Variants in RAD54L2 observed in about 807,000 individuals in gnomAD.
RAD54L2 encodes helicase ARIP4.
Under a neutral mutation model 138.4 loss-of-function variants are expected in RAD54L2, and 27 were observed. The observed-to-expected ratio is 0.20, with a 90% CI of 0.14 to 0.27. RAD54L2 has a LOEUF of 0.27. RAD54L2 is among the 10% of genes least tolerant of loss of function. The probability of loss-of-function intolerance (pLI) is 1.00; values close to 1 mark genes in which losing one functional copy is unlikely to be tolerated. For synonymous variants in RAD54L2, 644 were observed against 723.2 expected (o/e 0.89, Z 1.76); for missense variants, 1,396 against 1,890.2 (o/e 0.74, Z 4.85).
Position 51,663,552 on chromosome 3 carries a change from T to G in RAD54L2, c.*132T>G. 1.3e-6 allele frequency: 1 copy of G among 776,338 alleles called. No individual in the cohort carries two copies. 48.1% of individuals were successfully genotyped at this position (776,338 alleles called of 1,614,324 possible). ...AAGGAAGAGGACAAAGGAGGGTGGT[T>G]GGCCAAAGTGGCAGAGCTCTGTTGC... On this transcript the variant is annotated 3_prime_UTR_variant, in exon 23 of 23. Transcript: ENST00000684192.
Position 51,662,695 on chromosome 3 carries a change from G to T in RAD54L2, c.3679G>T (p.Gly1227Trp), listed in dbSNP as rs747460183. 2 of 1,613,910 alleles carry T rather than the reference G, an allele frequency of 1.2e-6. No homozygotes were observed. The highest frequency in any genetic ancestry group is 1.7e-6 in the Non-Finnish European group (2 of 1,179,874). Residue 1227 changes from glycine (G) to tryptophan (W), a missense_variant, in exon 23 of 23, where the codon GGG becomes TGG. Around this residue, in one of 7 missense-constraint regions of RAD54L2, gnomAD observed 634 missense variants for 711.2 expected, o/e 0.89. Transcript: ENST00000684192. This position sits in a 1 kb window ranked among gnomAD's most constrained non-coding sequence, Gnocchi z 4.6. ...AGCTCTCGGAACTGAGCCTCGACTA[G>T]GGGGTCATTGCCTCAATAGTTCCCT... ...GTALGTEPRLGGHCLNSSLLV... is the reference protein window; with the variant it reads ...GTALGTEPRLWGHCLNSSLLV...
chr3:51,662,832 C>T lies in RAD54L2; in HGVS notation c.3816C>T (p.Ser1272=). The T allele has an allele frequency of 6.2e-7, 1 of 1,612,714 alleles. No homozygotes were observed. Among genetic ancestry groups the T allele is most frequent in the South Asian group, 1.1e-5 (1 of 90,842 alleles). Residue 1272 remains serine, a synonymous_variant, in exon 23 of 23, where the codon TCC becomes TCT. Transcript: ENST00000684192. The surrounding 1 kb of genome is among the most constrained non-coding windows in gnomAD (Gnocchi z 4.6). ...CCCAGGAGTCATCCCGCCGGCGGTCCAGGAAGGGTCATCTGCCAGCCCCCG... is the reference window on the plus strand; with the variant it reads ...CCCAGGAGTCATCCCGCCGGCGGTCTAGGAAGGGTCATCTGCCAGCCCCCG... ...PAAQESSRRR[S]RKGHLPAPVQ...
In RAD54L2 at chr3:51,666,928, G is replaced by A. The variant is rs1225631330; in HGVS notation, c.*3508G>A. Reference sequence around the variant, plus strand: ...CTAAATATGAAATTTCTCAATTCAGGAGCAGGAAGCAAAGTGCTGGGGTAC... The same window carrying A: ...CTAAATATGAAATTTCTCAATTCAGAAGCAGGAAGCAAAGTGCTGGGGTAC... On this transcript the variant is annotated 3_prime_UTR_variant, in exon 23 of 23. Transcript: ENST00000684192. 2 of 152,174 alleles carry A rather than the reference G, an allele frequency of 1.3e-5. No homozygotes were observed. Among genetic ancestry groups the A allele is most frequent in the Non-Finnish European group, 1.5e-5 (1 of 68,048 alleles). 9.4% of individuals were successfully genotyped at this position (152,174 alleles called of 1,614,324 possible).
At chr3:51,607,571 TC>T (rs1216231980) in intron 3 of RAD54L2, among the ~76,000 whole-genome samples, 1 of 152,218 alleles carries the variant, frequency 6.6e-6, no homozygotes, top group Non-Finnish European at 1.5e-5. Flanking sequence ...CCTTTTCTAT[TC>T]GACAAAACCG....
Position 51,645,495 on chromosome 3 carries a change from CTT to C in RAD54L2, c.2657-94_2657-93del. On this transcript the variant is annotated intron_variant, in intron 17 of 22. Transcript: ENST00000684192. The surrounding 1 kb of genome is among the most constrained non-coding windows in gnomAD (Gnocchi z 6.1). ...GTGTCACCAGCACCTCAGACCTAGT[CTT>C]TGACTTTCAGATATGGGATGACTTT... is the stretch of plus-strand genomic sequence containing the variant. 7.7e-7 allele frequency: 1 copy of C among 1,293,260 alleles called. No individual in the cohort carries two copies. Among genetic ancestry groups the C allele is most frequent in the East Asian group, 2.5e-5 (1 of 39,676 alleles). The allele number at this position is 1,293,260 out of a possible 1,614,324, so 80.1% of individuals were successfully genotyped here. A position where few individuals can be genotyped will look rare whatever the true frequency, so the allele number is the denominator to read the frequency against.
At position 51,610,323 on chromosome 3, in the gene RAD54L2, AC is replaced by A. The variant is rs577592576; in HGVS notation, c.140-17228del. ...CATTATTAAAGAATGAATCTTTGGG[AC>A]CGGGCATGGTGGCTCACGCCTGTAA... On this transcript the variant is annotated intron_variant, in intron 3 of 22. Transcript: ENST00000684192. Among the ~76,000 whole-genome samples the A allele has an allele frequency of 4.6e-5, 7 of 152,116 alleles. No homozygotes were observed. In the South Asian group the frequency reaches 1.5e-3, roughly 32 times the overall value.
intron 2 of RAD54L2, among the ~76,000 whole-genome samples, chr3:51,565,835 C>T (rs1057212286): frequency 6.8e-6 from 1 of 147,348 alleles, no homozygotes; most frequent in East Asian, 2.1e-4. Context: ...CCCACCCCCC[C>T]CTTTTTTTTT....
chr3:51,659,983 T>G, intron 21 of RAD54L2, 43 bp from the exon 22 acceptor site: 1 of 1,478,646 alleles, frequency 6.8e-7, no homozygotes, highest in Non-Finnish European at 9.3e-7. Context: ...GTTGGCTGTA[T>G]TATATGTCTG....
At chr3:51,606,417 C>T (rs938745540) in intron 3 of RAD54L2, among the ~76,000 whole-genome samples, 3 of 151,962 alleles carry the variant, frequency 2.0e-5, no homozygotes, top group African/African-American at 7.3e-5. Flanking sequence ...GTACAGAATC[C>T]GTGATGGACA....
chr3:51,604,908 C>T (rs1255795719), intron 3 of RAD54L2, among the ~76,000 whole-genome samples: 1 of 151,996 alleles, frequency 6.6e-6, no homozygotes, highest in East Asian at 1.9e-4. Flanking sequence ...CTGAAGTCTT[C>T]CAGTGGTCTT....
intron 3 of RAD54L2, among the ~76,000 whole-genome samples, chr3:51,603,885 C>A (rs975183619): frequency 1.3e-5 from 2 of 152,068 alleles, no homozygotes; most frequent in Non-Finnish European, 2.9e-5. Context: ...AGTGGAATAG[C>A]AAGAGCTGTT....
intron 22 of RAD54L2, among the ~76,000 whole-genome samples, chr3:51,661,814 C>T (rs1250243468): frequency 6.6e-6 from 1 of 152,118 alleles, no homozygotes; most frequent in South Asian, 2.1e-4. Flanking sequence ...TTGAGTCATT[C>T]GTAAGTCGAA....
intron 9 of RAD54L2, among the ~76,000 whole-genome samples, chr3:51,635,112 G>A (rs191173489): frequency 4.9e-4 from 75 of 152,300 alleles, no homozygotes; most frequent in Admixed American, 1.7e-3. Context: ...TTTGGAAGTG[G>A]AGTGACTTAC....
chr3:51,623,584 A>G (rs1700612895), intron 3 of RAD54L2, among the ~76,000 whole-genome samples: 1 of 152,172 alleles, frequency 6.6e-6, no homozygotes, highest in African/African-American at 2.4e-5. Flanking sequence ...CAAAGCTCAT[A>G]CTTTTAACTG....
At chr3:51,562,047 T>C (rs1457659675) in intron 2 of RAD54L2, among the ~76,000 whole-genome samples, 10 of 150,556 alleles carry the variant, frequency 6.6e-5, no homozygotes, top group African/African-American at 2.0e-4. Context: ...TTTTTTTTTT[T>C]CCCCCTGAGA....
At chr3:51,627,784 G>A (rs1045043203) in intron 4 of RAD54L2, 30 bp downstream of exon 4, 2 of 1,608,106 alleles carry the variant, frequency 1.2e-6, no homozygotes, top group Middle Eastern at 1.7e-4. Context: ...AGAGGAGAGG[G>A]AAAGGAATAG....
In RAD54L2 at chr3:51,637,633, T is replaced by C; in HGVS notation, c.1682+130T>C. ...CTTCCCTGGGGCAGTAGTAAAACTT[T>C]GCTTCCTGTGACAAGCTAGCAGATG... On this transcript the variant is annotated intron_variant, in intron 11 of 22. Coordinates refer to ENST00000684192, the MANE Select transcript of RAD54L2 (RefSeq NM_015106.4). The surrounding 1 kb of genome is among the most constrained non-coding windows in gnomAD (Gnocchi z 5.9). 1 of 913,958 alleles carries C rather than the reference T, an allele frequency of 1.1e-6. No homozygotes were observed. Among genetic ancestry groups the C allele is most frequent in the South Asian group, 1.8e-5 (1 of 55,794 alleles). 56.6% of individuals were successfully genotyped at this position (913,958 alleles called of 1,614,324 possible). A position where few individuals can be genotyped will look rare whatever the true frequency, so the allele number is the denominator to read the frequency against.
chr3:51,655,289 T>G (rs865813443), intron 19 of RAD54L2, among the ~76,000 whole-genome samples: 2 of 152,090 alleles, frequency 1.3e-5, no homozygotes, highest in Non-Finnish European at 2.9e-5. Context: ...TCAAAAATCT[T>G]AAATCAGTAG....
At chr3:51,571,443 G>A (rs1467101636) in intron 2 of RAD54L2, among the ~76,000 whole-genome samples, 1 of 146,126 alleles carries the variant, frequency 6.8e-6, no homozygotes, top group Non-Finnish European at 1.5e-5. Flanking sequence ...CCAGGCTGGT[G>A]TGCAGTGGTG....
Sources: gnomAD v4.1 joint callset for allele counts (sites outside exome capture counted in the v4.1 genomes callset) on GRCh38, gnomAD v4.1.1 for gene constraint, gnomAD v4.1.1 regional missense constraint, Gnocchi (gnomAD v3.1) non-coding constraint, MANE v1.5 for transcripts, NCBI Gene and HGNC (gene_info 2026-07-23, HGNC 2026-07-21) for gene names.